The following GASK1A variants were observed in gnomAD, a reference collection of about 807,000 sequenced individuals.
The protein encoded by GASK1A is Golgi-associated kinase 1A.
In GASK1A, 40 loss-of-function variants were observed where a neutral mutation model predicts 41.2. That is an observed-to-expected ratio of 0.97 (90% confidence interval 0.75 to 1.27). The LOEUF (loss-of-function observed/expected upper bound fraction) is 1.27, where lower values mean the gene tolerates loss of function less well. Among genes scored for constraint, GASK1A ranks in the 50% most tolerant of loss-of-function variants. The probability of loss-of-function intolerance (pLI) is 0.00; values close to 1 mark genes in which losing one functional copy is unlikely to be tolerated. For missense variants in GASK1A, 678 were observed against 745.1 expected, an observed-to-expected ratio of 0.91 and a Z score of 1.05; for synonymous variants, 316 against 307.1, an observed-to-expected ratio of 1.03 and a Z score of -0.30.
intron 1 of GASK1A, among the ~76,000 whole-genome samples, chr3:43,025,995 A>G (rs1457468088): frequency 6.6e-6 from 1 of 152,212 alleles, no homozygotes; most frequent in African/African-American, 2.4e-5. Context: ...GCAGTGTTGG[A>G]GGAAGTGAGA....
intron 2 of GASK1A, among the ~76,000 whole-genome samples, chr3:43,035,415 G>A (rs570985474): frequency 6.6e-6 from 1 of 152,198 alleles, no homozygotes; most frequent in Non-Finnish European, 1.5e-5. Context: ...AACAAGGAAG[G>A]TTGGTCATGT....
At chr3:43,048,831 C>T (rs568917186) in intron 2 of GASK1A, among the ~76,000 whole-genome samples, 15 of 152,266 alleles carry the variant, frequency 9.9e-5, no homozygotes, top group African/African-American at 3.4e-4. Context: ...GGATGGAGAG[C>T]ATCAAAAGCA....
Position 43,055,469 on chromosome 3 carries a change from A to T in GASK1A, c.1451A>T (p.Asp484Val), listed in dbSNP as rs1256043715. 1 of 1,551,826 alleles carries T rather than the reference A, an allele frequency of 6.4e-7. No homozygotes were observed. The highest frequency in any genetic ancestry group is 2.0e-5 in the Admixed American group (1 of 50,986). ...GATCCATCTCACCTGGTCTACATCG[A>T]TAACGCTGGCAACCTTCAGCACCCT... Reference protein sequence around the residue: ...SSDPSHLVYIDNAGNLQHPED... With the variant: ...SSDPSHLVYIVNAGNLQHPED... The change falls in exon 4 of 5, where the codon GAT becomes GTT. Residue 484 changes from aspartate (D) to valine (V), a missense_variant. Transcript: ENST00000430121.
intron 1 of GASK1A, among the ~76,000 whole-genome samples, chr3:43,020,721 C>T (rs1559402256): frequency 6.6e-6 from 1 of 152,206 alleles, no homozygotes; most frequent in Non-Finnish European, 1.5e-5. Context: ...GGGTTGGCTC[C>T]AGGCTGGAGG....
chr3:43,037,024 A>G lies in GASK1A; in HGVS notation c.1290+3471A>G, dbSNP rs2089608082. On this transcript the variant is annotated intron_variant, in intron 2 of 4. Coordinates refer to ENST00000430121, the MANE Select transcript of GASK1A (RefSeq NM_001129908.3). ...TTACACAGCAATAGAAGACTAACAC[A>G]TGAGGCAAGGGTGGTTTCCAAGGTG... The G allele has an allele frequency of 2.0e-5, 9 of 453,202 alleles. No homozygotes were observed. In the South Asian group the frequency reaches 3.9e-4, roughly 20 times the overall value. The allele number at this position is 453,202 out of a possible 1,614,324, so 28.1% of individuals were successfully genotyped here.
intron 1 of GASK1A, among the ~76,000 whole-genome samples, chr3:43,002,366 G>A (rs1033175565): frequency 2.0e-4 from 30 of 152,188 alleles, no homozygotes; most frequent in African/African-American, 6.8e-4. Flanking sequence ...CTGATTTGCT[G>A]TATTCAGAAT....
At chr3:43,042,175 T>C (rs1055331177) in intron 2 of GASK1A, among the ~76,000 whole-genome samples, 1 of 151,968 alleles carries the variant, frequency 6.6e-6, no homozygotes, top group Non-Finnish European at 1.5e-5. Context: ...TCCTACTTAT[T>C]GAGAGTGTTC....
At chr3:42,998,960 T>C (rs2089391778) in intron 1 of GASK1A, among the ~76,000 whole-genome samples, 1 of 149,224 alleles carries the variant, frequency 6.7e-6, no homozygotes, top group Non-Finnish European at 1.5e-5. Flanking sequence ...TTTTATCTAT[T>C]GGCTTTTGGA....
intron 1 of GASK1A, among the ~76,000 whole-genome samples, chr3:43,002,998 A>C (rs1455840904): frequency 1.3e-5 from 2 of 152,042 alleles, no homozygotes; most frequent in African/African-American, 4.8e-5. Flanking sequence ...TTATGCCTTA[A>C]TTTTCTTATT....
At chr3:42,992,672 G>A (rs1421967748) in intron 1 of GASK1A, among the ~76,000 whole-genome samples, 1 of 152,174 alleles carries the variant, frequency 6.6e-6, no homozygotes, top group Non-Finnish European at 1.5e-5. Flanking sequence ...CTATGACGGT[G>A]AACTGGAAAC....
chr3:43,010,875 C>G (rs1236060600), intron 1 of GASK1A, among the ~76,000 whole-genome samples: 4 of 152,200 alleles, frequency 2.6e-5, no homozygotes, highest in African/African-American at 9.7e-5. Flanking sequence ...ACATGGATGG[C>G]TCCTCCTACC....
intron 1 of GASK1A, among the ~76,000 whole-genome samples, chr3:42,981,242 A>G (rs1210253032): frequency 2.0e-5 from 3 of 152,150 alleles, no homozygotes; most frequent in Non-Finnish European, 4.4e-5. Flanking sequence ...CCTGATGGTC[A>G]TCCTCTGGCA....
intron 2 of GASK1A, among the ~76,000 whole-genome samples, chr3:43,045,194 C>T (rs1439335409): frequency 6.6e-6 from 1 of 152,164 alleles, no homozygotes; most frequent in African/African-American, 2.4e-5. Flanking sequence ...CAAATCTGTG[C>T]ACATTCCAGA....
rs1575452958 is a variant in GASK1A, at chr3:43,050,777, G to A, written c.1291-2744G>A. ...TTCAGGTTTTCTGATTCGTTCTTCT[G>A]CCTGCTCATAACTGCTGTTCGATCC... On this transcript the variant is annotated intron_variant, in intron 2 of 4. Transcript: ENST00000430121. Among the ~76,000 whole-genome samples, 5 of 151,548 alleles carry A rather than the reference G, an allele frequency of 3.3e-5. No homozygotes were observed. In the South Asian group the frequency reaches 1.0e-3, roughly 32 times the overall value.
chr3:43,044,597 G>A (rs2089653009), intron 2 of GASK1A, among the ~76,000 whole-genome samples: 1 of 152,154 alleles, frequency 6.6e-6, no homozygotes, highest in African/African-American at 2.4e-5. Context: ...GCATAGCCAG[G>A]ACATAGTGGA....
chr3:42,987,124 G>A (rs2089315888), intron 1 of GASK1A, among the ~76,000 whole-genome samples: 1 of 152,244 alleles, frequency 6.6e-6, no homozygotes, highest in Non-Finnish European at 1.5e-5. Flanking sequence ...GCGCAGAGGG[G>A]TGCCTCCTTG....
chr3:42,998,323 G>A (rs1246149358), intron 1 of GASK1A, among the ~76,000 whole-genome samples: 1 of 152,158 alleles, frequency 6.6e-6, no homozygotes, highest in Non-Finnish European at 1.5e-5. Flanking sequence ...GGCAAGCGAT[G>A]CAGACGCACT....
At chr3:42,986,418 A>G (rs2089310977) in intron 1 of GASK1A, among the ~76,000 whole-genome samples, 1 of 152,242 alleles carries the variant, frequency 6.6e-6, no homozygotes, top group Admixed American at 6.5e-5. Flanking sequence ...AATCTAATAC[A>G]TGTGTTAAAA....
chr3:43,016,954 G>C (rs2089494702), intron 1 of GASK1A, among the ~76,000 whole-genome samples: 1 of 147,654 alleles, frequency 6.8e-6, no homozygotes. Flanking sequence ...CCAGAAAGGG[G>C]CTGTGTGATT....
Sources: allele counts gnomAD v4.1 joint callset (sites outside exome capture counted in the v4.1 genomes callset), GRCh38; gene constraint gnomAD v4.1.1; transcripts MANE v1.5; gene names NCBI Gene and HGNC (gene_info 2026-07-23, HGNC 2026-07-21).